Variants in MACROH2A1 observed in about 807,000 individuals in gnomAD.
MACROH2A1 encodes macroH2A.1 histone.
A neutral mutation model predicts 31.6 loss-of-function variants in MACROH2A1; 2 were observed. The observed-to-expected ratio is 0.06, with a 90% CI of 0.03 to 0.20. The LOEUF is 0.20. Ranked by LOEUF, MACROH2A1 falls within the 10% of genes least tolerant of loss-of-function variation. MACROH2A1 has a pLI of 1.00. For synonymous variants in MACROH2A1, 169 were observed against 189.6 expected (o/e 0.89, Z 0.89); for missense variants, 230 against 474.0 (o/e 0.49, Z 4.78).
Position 135,369,965 on chromosome 5 carries a change from C to A in MACROH2A1, c.279+71G>T. ...TTTCATAACCAGCCAACACCAAAGCCTCTCAGCTATGTTTCTTGGGCAGTA... is the reference window on the plus strand; with the variant it reads ...TTTCATAACCAGCCAACACCAAAGCATCTCAGCTATGTTTCTTGGGCAGTA... On this transcript the variant is annotated intron_variant, in intron 3 of 8. Transcript: ENST00000511689. This position sits in a 1 kb window ranked among gnomAD's most constrained non-coding sequence, Gnocchi z 4.3. 1.0e-6 allele frequency: 1 copy of A among 999,360 alleles called. No homozygotes were observed. The allele number at this position is 999,360 out of a possible 1,614,324, so 61.9% of individuals were successfully genotyped here.
At chr5:135,367,883 C>G (rs766769844) in intron 4 of MACROH2A1, among the ~76,000 whole-genome samples, 1 of 152,352 alleles carries the variant, frequency 6.6e-6, no homozygotes, top group Non-Finnish European at 1.5e-5. Context: ...CCCCGCCCTC[C>G]TCCCAAATGC....
chr5:135,399,507 A>C (rs1290780189), upstream of MACROH2A1: 1 of 152,090 alleles, frequency 6.6e-6, no homozygotes, highest in East Asian at 1.9e-4. The surrounding 1 kb of genome is among the most constrained non-coding windows in gnomAD (Gnocchi z 4.5). Flanking sequence ...CGCGTCCCAG[A>C]CTCTGCGTCT....
At position 135,334,905 on chromosome 5, in the gene MACROH2A1, G is replaced by T; in HGVS notation, c.*71C>A. ...AGGGGTCCCACCTCCCAGTAGGAGT[G>T]AAGGGGATTTTTTTTTTCTTTTAAA... On this transcript the variant is annotated 3_prime_UTR_variant, in exon 9 of 9. Transcript: ENST00000511689. 2 of 1,344,252 alleles carry T rather than the reference G, an allele frequency of 1.5e-6. No homozygotes were observed. The highest frequency in any genetic ancestry group is 2.1e-6 in the Non-Finnish European group (2 of 959,534). 83.3% of individuals were successfully genotyped at this position (1,344,252 alleles called of 1,614,324 possible).
intron 2 of MACROH2A1, among the ~76,000 whole-genome samples, chr5:135,372,120 C>A (rs1448039507): frequency 6.6e-6 from 1 of 152,142 alleles, no homozygotes; most frequent in African/African-American, 2.4e-5. Flanking sequence ...TTCCTTTGCT[C>A]AGTAATCACC....
chr5:135,360,870 C>T (rs562420512), intron 4 of MACROH2A1: 1 of 620,464 alleles, frequency 1.6e-6, no homozygotes, highest in East Asian at 3.2e-5. Context: ...TTACAGTGAT[C>T]ATTTAGAATA....
chr5:135,347,010 T>G (rs1433859271), intron 6 of MACROH2A1: 1 of 152,200 alleles, frequency 6.6e-6, no homozygotes, highest in Non-Finnish European at 1.5e-5. Context: ...TTCCTTAAGC[T>G]CTGATTCCTC....
rs1581188865 is a variant in MACROH2A1 at position 135,353,058 on chromosome 5, G to A, written c.589-13C>T. ...GAATAAGGTTCAGCTGCAAAGAAAA[G>A]CATGAGGTGGGAAATAACAGGAGAG... is the stretch of plus-strand genomic sequence containing the variant. On this transcript the variant is annotated splice_polypyrimidine_tract_variant and intron_variant, in intron 5 of 8. Coordinates refer to ENST00000511689, the MANE Select transcript of MACROH2A1 (RefSeq NM_138610.3). 6.5e-7 allele frequency: 1 copy of A among 1,527,558 alleles called. No individual in the cohort carries two copies. Among genetic ancestry groups the A allele is most frequent in the Non-Finnish European group, 9.1e-7 (1 of 1,101,016 alleles). The allele number at this position is 1,527,558 out of a possible 1,614,324, so 94.6% of individuals were successfully genotyped here. A position where few individuals can be genotyped will look rare whatever the true frequency, so the allele number is the denominator to read the frequency against.
At position 135,334,905 on chromosome 5, in the gene MACROH2A1, G is replaced by C; in HGVS notation, c.*71C>G. The C allele has an allele frequency of 7.4e-7, 1 of 1,344,254 alleles. No homozygotes were observed. Among genetic ancestry groups the C allele is most frequent in the Admixed American group, 1.9e-5 (1 of 51,872 alleles). The allele number at this position is 1,344,254 out of a possible 1,614,324, so 83.3% of individuals were successfully genotyped here. On this transcript the variant is annotated 3_prime_UTR_variant, in exon 9 of 9. Transcript: ENST00000511689. ...AGGGGTCCCACCTCCCAGTAGGAGT[G>C]AAGGGGATTTTTTTTTTCTTTTAAA... is the stretch of plus-strand genomic sequence containing the variant.
intron 1 of MACROH2A1, among the ~76,000 whole-genome samples, chr5:135,391,275 G>A (rs182172614): frequency 4.9e-4 from 74 of 152,282 alleles, no homozygotes; most frequent in African/African-American, 1.7e-3. Context: ...CTTTTAAATC[G>A]GAATGTCTCC....
chr5:135,382,938 T>G (rs915914357), intron 2 of MACROH2A1, among the ~76,000 whole-genome samples: 1 of 152,202 alleles, frequency 6.6e-6, no homozygotes, highest in East Asian at 1.9e-4. Flanking sequence ...TACAGCTGGA[T>G]TCACATGCCC....
At chr5:135,364,008 T>G (rs1233411188) in intron 4 of MACROH2A1, among the ~76,000 whole-genome samples, 1 of 152,202 alleles carries the variant, frequency 6.6e-6, no homozygotes, top group Non-Finnish European at 1.5e-5. Context: ...TTTGCCCACT[T>G]TTTGATGGGG....
chr5:135,392,926 G>A (rs1262468252), intron 1 of MACROH2A1, among the ~76,000 whole-genome samples: 1 of 152,182 alleles, frequency 6.6e-6, no homozygotes, highest in Non-Finnish European at 1.5e-5. Context: ...ATCCATGTAA[G>A]GGCCTGATAC....
At chr5:135,339,820 G>A (rs112396732) in intron 8 of MACROH2A1, among the ~76,000 whole-genome samples, 2,672 of 152,316 alleles carry the variant, frequency 0.018, 44 homozygotes, top group Non-Finnish European at 0.026. Flanking sequence ...TGGTGATGGG[G>A]CCACCACTCC....
At chr5:135,358,732 A>G (rs1762474733) in intron 5 of MACROH2A1, 6 of 946,358 alleles carry the variant, frequency 6.3e-6, no homozygotes, top group Non-Finnish European at 7.6e-6. Flanking sequence ...TAGAGTATCA[A>G]TACTTTTCTA....
intron 2 of MACROH2A1, among the ~76,000 whole-genome samples, chr5:135,375,214 C>G (rs1243088457): frequency 4.6e-5 from 7 of 152,240 alleles, no homozygotes; most frequent in African/African-American, 1.7e-4. Context: ...GCACCATCAT[C>G]TGTAGTGGCC....
chr5:135,346,205 A>C, intron 6 of MACROH2A1, 148 bp from the exon 7 acceptor site: 1 of 638,592 alleles, frequency 1.6e-6, no homozygotes. Context: ...CTAAGTTAAT[A>C]AAGTAAAATT....
intron 8 of MACROH2A1, among the ~76,000 whole-genome samples, chr5:135,336,350 C>T (rs1387269045): frequency 6.6e-6 from 1 of 152,224 alleles, no homozygotes; most frequent in Non-Finnish European, 1.5e-5. Context: ...CTTTTGACCA[C>T]ACACGGCTTC....
At chr5:135,341,581 AGTGCCCATCTGCCT>A (rs972827273) in intron 8 of MACROH2A1, among the ~76,000 whole-genome samples, 8 of 152,228 alleles carry the variant, frequency 5.3e-5, no homozygotes, top group Admixed American at 5.2e-4. Context: ...GAACGGTGGC[AGTGCCCATCTGCCT>A]GTGGACAAGG....
chr5:135,392,663 G>A (rs1045439887), intron 1 of MACROH2A1, among the ~76,000 whole-genome samples: 1 of 152,204 alleles, frequency 6.6e-6, no homozygotes, highest in South Asian at 2.1e-4. Flanking sequence ...GGTTTATGCA[G>A]GTGTGGGTAG....
Sources: allele counts gnomAD v4.1 joint callset (sites outside exome capture counted in the v4.1 genomes callset), GRCh38; gene constraint gnomAD v4.1.1; non-coding constraint Gnocchi (gnomAD v3.1); transcripts MANE v1.5; gene names NCBI Gene and HGNC (gene_info 2026-07-23, HGNC 2026-07-21).